The following HIPK2 variants were observed in gnomAD, a reference collection of about 807,000 sequenced individuals.
HIPK2 encodes the protein homeodomain-interacting protein kinase 2.
A neutral mutation model predicts 113.7 loss-of-function variants in HIPK2; 27 were observed. That is an observed-to-expected ratio of 0.24 (90% CI 0.17 to 0.33). HIPK2 has a LOEUF of 0.33. HIPK2 is among the 10% of genes least tolerant of loss of function. HIPK2 has a pLI of 1.00. For synonymous variants in HIPK2, 631 were observed against 642.2 expected (o/e 0.98, Z 0.26); for missense variants, 1,257 against 1,588.0 (o/e 0.79, Z 3.54).
At position 139,758,415 on chromosome 7, in the gene HIPK2, G is replaced by T. The variant is rs184015276; in HGVS notation, c.19+19190C>A. Among the ~76,000 whole-genome samples, 14 of 152,236 alleles carry T rather than the reference G, an allele frequency of 9.2e-5. No homozygotes were observed. In the East Asian group the frequency reaches 2.7e-3, roughly 29 times the overall value. ...AATAATGTTGGGACAATTGAGTATT[G>T]AAAAAATATAAAGTTGCATCCAAGC... On this transcript the variant is annotated intron_variant, in intron 1 of 14. Transcript: ENST00000406875.
intron 2 of HIPK2, among the ~76,000 whole-genome samples, chr7:139,712,044 T>C (rs1445588547): frequency 6.6e-6 from 1 of 152,230 alleles, no homozygotes; most frequent in Non-Finnish European, 1.5e-5. Flanking sequence ...AGGGAGACTC[T>C]GTTCCCAGCA....
At chr7:139,658,209 G>C (rs1197406165) in intron 2 of HIPK2, among the ~76,000 whole-genome samples, 1 of 152,092 alleles carries the variant, frequency 6.6e-6, no homozygotes, top group East Asian at 1.9e-4. Context: ...AGGAGGCTGA[G>C]GCAGGAGAAT....
chr7:139,652,622 C>T (rs746581614), intron 2 of HIPK2, among the ~76,000 whole-genome samples: 8 of 152,154 alleles, frequency 5.3e-5, no homozygotes, highest in Non-Finnish European at 7.4e-5. Context: ...GTGCTGGGCA[C>T]TAATTAGAGA....
rs183199472 is a variant in HIPK2, at chr7:139,603,287, C to T, written c.2255+794G>A. 3.9e-5 allele frequency among the ~76,000 whole-genome samples: 6 copies of T among 152,140 alleles called. No individual in the cohort carries two copies. In the East Asian group the frequency reaches 1.2e-3, roughly 29 times the overall value. On this transcript the variant is annotated intron_variant, in intron 10 of 14. Transcript: ENST00000406875. ...CAGAATGAGAGATAGCCCAATAGGGCCATGAGGAGTTGGGGACAACTTGGA... is the reference window on the plus strand; with the variant it reads ...CAGAATGAGAGATAGCCCAATAGGGTCATGAGGAGTTGGGGACAACTTGGA...
chr7:139,714,170 G>A lies in HIPK2; in HGVS notation c.1103+1762C>T, dbSNP rs757595293. On this transcript the variant is annotated intron_variant, in intron 2 of 14. Transcript: ENST00000406875. This position sits in a 1 kb window ranked among gnomAD's most constrained non-coding sequence, Gnocchi z 4.2. ...CACAGGCCTGTGGAGACCTTTCTGC[G>A]CATAGGAAATGAGCGGGAAAGGAAT... Among the ~76,000 whole-genome samples the A allele has an allele frequency of 9.2e-5, 14 of 152,198 alleles. No homozygotes were observed. Among genetic ancestry groups the A allele is most frequent in the South Asian group, 4.1e-4 (2 of 4,832 alleles).
In HIPK2 at chr7:139,596,722, G is replaced by A. The variant is rs762779356; in HGVS notation, c.2712C>T (p.Pro904=). The stretch of plus-strand genomic sequence containing the variant: ...CTAAGGTGGCACTGCCTCACCTGGT[G>A]GGGGCGTGTTTCTGTTCCTCCTCCT... ...TDEEEEQKHA[P]TSTVSKQRKN... The change falls in exon 12 of 15, where the codon CCC becomes CCT. Residue 904 remains proline (P), a synonymous_variant. Transcript: ENST00000406875. The A allele has an allele frequency of 1.9e-5, 31 of 1,609,296 alleles. No individual in the cohort carries two copies. The highest frequency in any genetic ancestry group is 2.6e-5 in the Non-Finnish European group (31 of 1,175,922).
At chr7:139,678,249 C>T (rs988577854) in intron 2 of HIPK2, among the ~76,000 whole-genome samples, 4 of 152,156 alleles carry the variant, frequency 2.6e-5, no homozygotes, top group African/African-American at 7.2e-5. Flanking sequence ...TCAATTTTGG[C>T]TTTTGTTGCC....
At chr7:139,578,508 G>A (rs191176851) in intron 13 of HIPK2, among the ~76,000 whole-genome samples, 24 of 152,286 alleles carry the variant, frequency 1.6e-4, no homozygotes, top group African/African-American at 2.9e-4. Context: ...AAAAGGGAGC[G>A]CATTTTAAGA....
intron 2 of HIPK2, among the ~76,000 whole-genome samples, chr7:139,667,022 G>A (rs886157947): frequency 9.9e-5 from 15 of 151,186 alleles, no homozygotes; most frequent in African/African-American, 3.2e-4. Context: ...CCGAGATTGC[G>A]CCACTGCACT....
rs1442520538 is a variant in HIPK2, at chr7:139,626,587, G to T, written c.1619+14C>A. ...TGCCGATCCCTGGTACGAAGCATCA[G>T]GCAGGACACCTACTGTGTGCTGTGG... On this transcript the variant is annotated intron_variant, in intron 6 of 14. Transcript: ENST00000406875. The T allele has an allele frequency of 1.1e-5, 18 of 1,610,516 alleles. No homozygotes were observed. The highest frequency in any genetic ancestry group is 1.5e-5 in the Non-Finnish European group (18 of 1,177,990).
chr7:139,653,516 T>C (rs1463189080), intron 2 of HIPK2, among the ~76,000 whole-genome samples: 2 of 150,986 alleles, frequency 1.3e-5, no homozygotes, highest in Non-Finnish European at 2.9e-5. Context: ...GGCCTCTGCC[T>C]CCTGTTACAG....
chr7:139,593,905 A>G (rs1799109969), intron 12 of HIPK2, among the ~76,000 whole-genome samples: 1 of 152,168 alleles, frequency 6.6e-6, no homozygotes, highest in Non-Finnish European at 1.5e-5. Context: ...ATGTGGCTGC[A>G]CTTGGGGGTG....
intron 9 of HIPK2, among the ~76,000 whole-genome samples, chr7:139,604,867 A>G (rs1019596519): frequency 6.6e-6 from 1 of 152,168 alleles, no homozygotes; most frequent in Admixed American, 6.5e-5. Flanking sequence ...CTGTCCCACA[A>G]CTATGTACAG....
intron 2 of HIPK2, among the ~76,000 whole-genome samples, chr7:139,697,327 G>A (rs1312218290): frequency 6.6e-6 from 1 of 152,188 alleles, no homozygotes; most frequent in Admixed American, 6.5e-5. Flanking sequence ...CCGAGTGAAG[G>A]AGAAAACAAA....
intron 2 of HIPK2, among the ~76,000 whole-genome samples, chr7:139,664,597 T>TG (rs1270831817): frequency 6.6e-6 from 1 of 152,118 alleles, no homozygotes; most frequent in African/African-American, 2.4e-5. Context: ...TCCTCCCACA[T>TG]GGCTTCCACC....
At chr7:139,674,023 C>T (rs1366258749) in intron 2 of HIPK2, among the ~76,000 whole-genome samples, 1 of 150,634 alleles carries the variant, frequency 6.6e-6, no homozygotes, top group Non-Finnish European at 1.5e-5. Context: ...GTGAGATGAG[C>T]CTACTGCACT....
intron 2 of HIPK2, among the ~76,000 whole-genome samples, chr7:139,693,675 A>C (rs1794479019): frequency 1.3e-5 from 2 of 152,178 alleles, no homozygotes; most frequent in African/African-American, 4.8e-5. Flanking sequence ...ACTCTATATC[A>C]GAAGGTATGG....
chr7:139,652,362 C>T lies in HIPK2; in HGVS notation c.1104-20637G>A, dbSNP rs564733195. ...GTCTGCCTCCCCCTTCCCCTGAGCT[C>T]GGGGACATGATTGGATTATTGAGTG... On this transcript the variant is annotated intron_variant, in intron 2 of 14. Transcript: ENST00000406875. Among the ~76,000 whole-genome samples the T allele has an allele frequency of 3.9e-4, 59 of 152,198 alleles. No homozygotes were observed. In the South Asian group the frequency reaches 7.1e-3, roughly 18 times the overall value.
At position 139,635,313 on chromosome 7, in the gene HIPK2, G is replaced by C. The variant is rs79612983; in HGVS notation, c.1104-3588C>G. ...CTTAGGAAGGCCGGTCTGGCCCCAG[G>C]GGACTTCTCTGAACTTGACTATGGG... On this transcript the variant is annotated intron_variant, in intron 2 of 14. Coordinates refer to ENST00000406875, the MANE Select transcript of HIPK2 (RefSeq NM_022740.5). 7.7e-3 allele frequency among the ~76,000 whole-genome samples: 1,174 copies of C among 152,276 alleles called. 14 individuals are homozygous for C. The highest frequency in any genetic ancestry group is 0.027 in the African/African-American group (1,109 of 41,552).
Sources: allele counts gnomAD v4.1 joint callset (sites outside exome capture counted in the v4.1 genomes callset), GRCh38; gene constraint gnomAD v4.1.1; non-coding constraint Gnocchi (gnomAD v3.1); transcripts MANE v1.5; gene names NCBI Gene and HGNC (gene_info 2026-07-23, HGNC 2026-07-21).